ANKS1B: variants seen among roughly 807,000 people sequenced by gnomAD.
The protein encoded by ANKS1B is ankyrin repeat and sterile alpha motif domain containing 1B.
ANKS1B carries 36 observed loss-of-function variants against 148.3 expected under a neutral mutation model. That is an observed-to-expected ratio of 0.24 (90% confidence interval 0.19 to 0.32). The LOEUF (loss-of-function observed/expected upper bound fraction) is 0.32. Among genes scored for constraint, ANKS1B ranks in the 10% least tolerant of loss-of-function variants. The pLI is 1.00. For synonymous variants in ANKS1B, 542 were observed against 560.8 expected, an observed-to-expected ratio of 0.97 and a Z score of 0.47; for missense variants, 1,157 against 1,542.6, an observed-to-expected ratio of 0.75 and a Z score of 4.19.
At chr12:99,339,519 T>C (rs1440118611) in intron 12 of ANKS1B, among the ~76,000 whole-genome samples, 1 of 152,146 alleles carries the variant, frequency 6.6e-6, no homozygotes, top group Non-Finnish European at 1.5e-5. Context: ...ATAAAGGTGG[T>C]TTCTTGTGTG....
At chr12:99,383,815 C>G (rs1196248599) in intron 12 of ANKS1B, among the ~76,000 whole-genome samples, 1 of 146,856 alleles carries the variant, frequency 6.8e-6, no homozygotes, top group Non-Finnish European at 1.5e-5. Flanking sequence ...GAGTTCAAGA[C>G]CAGCCTAGGC....
intron 9 of ANKS1B, among the ~76,000 whole-genome samples, chr12:99,534,682 A>G (rs921530588): frequency 2.0e-5 from 3 of 151,088 alleles, no homozygotes; most frequent in Non-Finnish European, 4.4e-5. Context: ...TTAGACTTTT[A>G]GGAAACTTTT....
intron 11 of ANKS1B, among the ~76,000 whole-genome samples, chr12:99,413,696 T>C (rs1567053902): frequency 1.3e-5 from 2 of 152,182 alleles, no homozygotes; most frequent in Non-Finnish European, 2.9e-5. Context: ...TATATAGAGG[T>C]ATCTGACTAT....
Position 99,773,195 on chromosome 12 carries a change from G to A in ANKS1B, c.962-107C>T, listed in dbSNP as rs1425909234. The A allele has an allele frequency of 5.7e-6, 5 of 883,784 alleles. No individual in the cohort carries two copies. In the East Asian group the frequency reaches 1.3e-4, roughly 23 times the overall value. 54.7% of individuals were successfully genotyped at this position (883,784 alleles called of 1,614,324 possible). On this transcript the variant is annotated intron_variant, in intron 7 of 26. Coordinates refer to ENST00000683438, the MANE Select transcript of ANKS1B (RefSeq NM_001352186.2). ...GGTGATAGAACTCAAAATATAACAA[G>A]ATTAAGCAGTCAGACACTATTCTGC...
At chr12:99,851,038 T>C (rs1025045977) in intron 1 of ANKS1B, among the ~76,000 whole-genome samples, 1 of 152,114 alleles carries the variant, frequency 6.6e-6, no homozygotes, top group Non-Finnish European at 1.5e-5. Context: ...TAGATCTCCA[T>C]AACATGAAAA....
In ANKS1B at chr12:99,233,083, A is replaced by C. The variant is rs534721162; in HGVS notation, c.2419+11259T>G. Among the ~76,000 whole-genome samples the C allele has an allele frequency of 6.9e-3, 1,044 of 152,182 alleles. 3 individuals are homozygous for C. The highest frequency in any genetic ancestry group is 0.011 in the Non-Finnish European group (760 of 67,990). ...ACAAAATTATTAAAAATATTGTATA[A>C]AATTACATTCATGCTTTGTATAGAA... On this transcript the variant is annotated intron_variant, in intron 14 of 26. Transcript: ENST00000683438.
intron 1 of ANKS1B, among the ~76,000 whole-genome samples, chr12:99,861,352 C>A (rs114516929): frequency 6.6e-6 from 1 of 152,132 alleles, no homozygotes; most frequent in East Asian, 1.9e-4. Flanking sequence ...TTCCCTTGTA[C>A]AGTAAATCAA....
intron 1 of ANKS1B, among the ~76,000 whole-genome samples, chr12:99,895,462 TG>T (rs2093349259): frequency 6.6e-6 from 1 of 150,896 alleles, no homozygotes. Context: ...TCTATTTCTC[TG>T]GAGAACCTTA....
intron 14 of ANKS1B, among the ~76,000 whole-genome samples, chr12:99,189,594 C>A (rs1000350231): frequency 5.9e-5 from 9 of 152,138 alleles, no homozygotes; most frequent in African/African-American, 2.2e-4. Flanking sequence ...ATGACAAAAA[C>A]CACAATTGTC....
intron 17 of ANKS1B, among the ~76,000 whole-genome samples, chr12:98,963,091 T>C (rs2099874564): frequency 6.6e-6 from 1 of 151,058 alleles, no homozygotes; most frequent in African/African-American, 2.4e-5. Context: ...TAAATAAAGA[T>C]CAGAGAAGAA....
chr12:99,195,127 T>C (rs1481335991), intron 14 of ANKS1B, among the ~76,000 whole-genome samples: 1 of 152,168 alleles, frequency 6.6e-6, no homozygotes, highest in African/African-American at 2.4e-5. Context: ...ATATCTTTAC[T>C]ATATATTATT....
intron 8 of ANKS1B, among the ~76,000 whole-genome samples, chr12:99,696,487 C>T (rs1173292651): frequency 6.6e-6 from 1 of 151,900 alleles, no homozygotes; most frequent in Non-Finnish European, 1.5e-5. Context: ...ATGTAGATAG[C>T]GTTTCAACAA....
intron 12 of ANKS1B, among the ~76,000 whole-genome samples, chr12:99,267,273 T>C (rs2076539229): frequency 6.6e-6 from 1 of 152,172 alleles, no homozygotes; most frequent in Non-Finnish European, 1.5e-5. Flanking sequence ...TCCAGAGTCA[T>C]GATCAAAGGA....
intron 12 of ANKS1B, among the ~76,000 whole-genome samples, chr12:99,247,216 C>G (rs921198103): frequency 1.3e-5 from 2 of 152,106 alleles, no homozygotes; most frequent in Non-Finnish European, 2.9e-5. Flanking sequence ...GTAGAACACA[C>G]ACATCTAAAC....
chr12:99,219,514 G>A (rs2153934160), intron 14 of ANKS1B, among the ~76,000 whole-genome samples: 1 of 152,296 alleles, frequency 6.6e-6, no homozygotes, highest in South Asian at 2.1e-4. Context: ...TCAGATTCAA[G>A]CAGATCATTT....
chr12:99,341,417 A>T (rs2089899397), intron 12 of ANKS1B, among the ~76,000 whole-genome samples: 1 of 152,118 alleles, frequency 6.6e-6, no homozygotes. Flanking sequence ...GAAGAACTGC[A>T]CATTGATTTC....
intron 1 of ANKS1B, among the ~76,000 whole-genome samples, chr12:99,911,739 G>A (rs895253358): frequency 2.0e-5 from 3 of 152,146 alleles, no homozygotes; most frequent in Non-Finnish European, 2.9e-5. Flanking sequence ...GTCAACTCAT[G>A]GTCAAATTTG....
At chr12:98,797,232 T>C (rs2098957829) in intron 22 of ANKS1B, among the ~76,000 whole-genome samples, 1 of 152,318 alleles carries the variant, frequency 6.6e-6, no homozygotes, top group Admixed American at 6.5e-5. Context: ...TAGTCTAATG[T>C]TCTCATTTTA....
intron 17 of ANKS1B, among the ~76,000 whole-genome samples, chr12:99,029,598 CAT>C (rs1232048517): frequency 2.0e-5 from 3 of 152,186 alleles, no homozygotes; most frequent in Non-Finnish European, 2.9e-5. Context: ...ATCAATAAAA[CAT>C]AGACTGGAGG....
Sources: allele counts gnomAD v4.1 joint callset (sites outside exome capture counted in the v4.1 genomes callset), GRCh38; gene constraint gnomAD v4.1.1; transcripts MANE v1.5; gene names NCBI Gene and HGNC (gene_info 2026-07-23, HGNC 2026-07-21).